CENPK: variants seen among roughly 807,000 people sequenced by gnomAD.
The protein encoded by CENPK is centromere protein K.
CENPK carries 46 observed loss-of-function variants against 40.9 expected under a neutral mutation model. The ratio of observed to expected loss-of-function variants is 1.13; its 90% CI spans 0.89 to 1.44. CENPK has a LOEUF of 1.44. CENPK is among the 40% of genes most tolerant of loss of function. The pLI is 0.00. For synonymous variants in CENPK, 107 were observed against 104.4 expected (o/e 1.02, Z -0.15); for missense variants, 288 against 303.5 (o/e 0.95, Z 0.38).
intron 4 of CENPK, 92 bp from the exon 5 acceptor site, chr5:65,551,728 G>GC (rs1750091396): frequency 1.6e-6 from 1 of 630,916 alleles, no homozygotes; most frequent in East Asian, 3.2e-5. Context: ...TTAAAACTTT[G>GC]CAGGGGGGTG....
At chr5:65,537,728 T>C (rs1215183486) in intron 6 of CENPK, among the ~76,000 whole-genome samples, 3 of 152,222 alleles carry the variant, frequency 2.0e-5, no homozygotes, top group Non-Finnish European at 4.4e-5. Flanking sequence ...GGTATATCCA[T>C]ATTTTAGCAT....
intron 1 of CENPK, among the ~76,000 whole-genome samples, chr5:65,561,961 A>C (rs1368139891): frequency 6.6e-6 from 1 of 152,306 alleles, no homozygotes; most frequent in African/African-American, 2.4e-5. Flanking sequence ...TTCCATTCTC[A>C]TGCAGACAAT....
chr5:65,528,617 TAA>T (rs758102685), intron 8 of CENPK, 39 bp from the exon 9 acceptor site: 1 of 1,467,998 alleles, frequency 6.8e-7, no homozygotes, highest in African/African-American at 1.4e-5. Context: ...ATTTAACTGA[TAA>T]AACACATACA....
the CENPK span, among the ~76,000 whole-genome samples, chr5:65,499,537 T>C: frequency 6.6e-6 from 1 of 152,042 alleles, no homozygotes; most frequent in Non-Finnish European, 1.5e-5. Context: ...TTCTCTCAGC[T>C]TCTTGAATCT....
chr5:65,519,125 G>A (rs112213753), intron 10 of CENPK, among the ~76,000 whole-genome samples: 2,231 of 152,130 alleles, frequency 0.015, 30 homozygotes, highest in Non-Finnish European at 0.02. Context: ...CCTGATCTTC[G>A]TTAAGGATAT....
At chr5:65,498,707 A>G in the CENPK span, among the ~76,000 whole-genome samples, 1 of 144,324 alleles carries the variant, frequency 6.9e-6, no homozygotes, top group African/African-American at 2.6e-5. Context: ...CCCAGGGTGG[A>G]GTGCAGTGGC....
intron 9 of CENPK, among the ~76,000 whole-genome samples, chr5:65,522,982 A>T (rs1316556339): frequency 6.6e-6 from 1 of 152,228 alleles, no homozygotes; most frequent in Non-Finnish European, 1.5e-5. Flanking sequence ...GAATACTATC[A>T]TCTAAAATGC....
the CENPK span, among the ~76,000 whole-genome samples, chr5:65,503,774 AG>A: frequency 6.6e-6 from 1 of 151,464 alleles, no homozygotes; most frequent in African/African-American, 2.4e-5. Context: ...TCTCTGCCTC[AG>A]CCTCCAGAGT....
intron 6 of CENPK, among the ~76,000 whole-genome samples, chr5:65,534,075 AAG>A (rs1288899949): frequency 2.0e-5 from 3 of 151,338 alleles, no homozygotes; most frequent in African/African-American, 7.3e-5. Flanking sequence ...AAAAAGGAAA[AAG>A]AAAAAAATTG....
chr5:65,539,966 G>T (rs1225463741), intron 6 of CENPK, among the ~76,000 whole-genome samples: 1 of 152,132 alleles, frequency 6.6e-6, no homozygotes, highest in Non-Finnish European at 1.5e-5. Flanking sequence ...AGGCAGTATG[G>T]CCCAAGGTCC....
In CENPK at chr5:65,563,127, T is replaced by C. The variant is rs1404435189; in HGVS notation, c.-171A>G. The C allele has an allele frequency of 9.8e-6, 7 of 713,074 alleles. No homozygotes were observed. Among genetic ancestry groups the C allele is most frequent in the Non-Finnish European group, 1.6e-5 (7 of 446,536 alleles). 44.2% of individuals were successfully genotyped at this position (713,074 alleles called of 1,614,324 possible). A position where few individuals can be genotyped will look rare whatever the true frequency, so the allele number is the denominator to read the frequency against. ...ACAGCGTCACAAACTCCAGGTCGCC[T>C]AGGCGCTGCGCAGGAAGCGCTTGCC... is the stretch of plus-strand genomic sequence containing the variant. On this transcript the variant is annotated 5_prime_UTR_variant, in exon 1 of 11. Transcript: ENST00000396679.
chr5:65,536,352 G>A (rs377660134), intron 6 of CENPK, among the ~76,000 whole-genome samples: 1 of 152,070 alleles, frequency 6.6e-6, no homozygotes, highest in East Asian at 1.9e-4. Flanking sequence ...AGTGGCTCAC[G>A]CCTGTAATCT....
intron 6 of CENPK, among the ~76,000 whole-genome samples, chr5:65,537,461 C>A (rs1029036996): frequency 1.3e-5 from 2 of 152,138 alleles, no homozygotes; most frequent in African/African-American, 2.4e-5. Context: ...CCCGCCACCA[C>A]GCCCAGCTAA....
chr5:65,513,545 C>T (rs745644816), downstream of CENPK, among the ~76,000 whole-genome samples: 11 of 152,168 alleles, frequency 7.2e-5, no homozygotes, highest in Non-Finnish European at 1.3e-4. Context: ...TCTTCTCTCT[C>T]TCTCTACTCT....
chr5:65,544,539 A>G (rs1027283978), intron 5 of CENPK, among the ~76,000 whole-genome samples: 1 of 152,328 alleles, frequency 6.6e-6, no homozygotes, highest in Non-Finnish European at 1.5e-5. Context: ...GTAGACATCC[A>G]AAAGAATTGA....
chr5:65,558,602 A>T (rs1751384463), intron 2 of CENPK, among the ~76,000 whole-genome samples: 3 of 152,214 alleles, frequency 2.0e-5, no homozygotes, highest in African/African-American at 7.2e-5. Context: ...ACAGATATAT[A>T]AAAAAATGGG....
chr5:65,507,265 C>T, the CENPK span, among the ~76,000 whole-genome samples: 2 of 152,214 alleles, frequency 1.3e-5, no homozygotes, highest in African/African-American at 2.4e-5. Flanking sequence ...AAAAAAATTT[C>T]TCCAAAGTTC....
intron 6 of CENPK, among the ~76,000 whole-genome samples, chr5:65,539,551 C>T (rs1196006274): frequency 6.6e-6 from 1 of 152,212 alleles, no homozygotes; most frequent in Non-Finnish European, 1.5e-5. Flanking sequence ...TGGTTCAATG[C>T]TGTCTTCAAG....
chr5:65,510,768 C>A, the CENPK span, among the ~76,000 whole-genome samples: 1 of 139,306 alleles, frequency 7.2e-6, no homozygotes, highest in Non-Finnish European at 1.5e-5. Context: ...AAGAGCGAAA[C>A]TCCATCTCAA....
Sources: gnomAD v4.1 joint callset for allele counts (sites outside exome capture counted in the v4.1 genomes callset) on GRCh38, gnomAD v4.1.1 for gene constraint, MANE v1.5 for transcripts, NCBI Gene and HGNC (gene_info 2026-07-23, HGNC 2026-07-21) for gene names.